Variants in SCN8A observed in about 807,000 individuals in gnomAD.
The protein encoded by SCN8A is sodium voltage-gated channel alpha subunit 8, also known as sodium channel protein type 8 subunit alpha.
In SCN8A, 30 loss-of-function variants were observed where a neutral mutation model predicts 184.1. That is an observed-to-expected ratio of 0.16 (90% confidence interval 0.12 to 0.22). The LOEUF is 0.22. SCN8A is among the 10% of genes least tolerant of loss of function. The probability of loss-of-function intolerance (pLI) is 1.00; values close to 1 mark genes in which losing one functional copy is unlikely to be tolerated. For missense variants in SCN8A, 1,057 were observed against 2,498.9 expected (o/e 0.42, Z 12.30); for synonymous variants, 852 against 907.0 (o/e 0.94, Z 1.09).
intron 15 of SCN8A, 144 bp downstream of exon 15, chr12:51,762,820 A>G: frequency 1.3e-6 from 1 of 744,962 alleles, no homozygotes; most frequent in Non-Finnish European, 2.0e-6. Context: ...AGCTACTAAA[A>G]TACTAAAAAC....
At chr12:51,697,844 TTTG>T (rs749732787) in intron 6 of SCN8A, among the ~76,000 whole-genome samples, 5 of 152,168 alleles carry the variant, frequency 3.3e-5, no homozygotes, top group East Asian at 1.9e-4. Context: ...TTTTTGTTTT[TTTG>T]TTGTTGTTGT....
At position 51,613,442 on chromosome 12, in the gene SCN8A, A is replaced by G. The variant is rs75188795; in HGVS notation, c.-55+22083A>G. Among the ~76,000 whole-genome samples, 34 of 152,228 alleles carry G rather than the reference A, an allele frequency of 2.2e-4. No individual in the cohort carries two copies. In the East Asian group the frequency reaches 6.0e-3, roughly 27 times the overall value. The stretch of plus-strand genomic sequence containing the variant: ...ATTCTTTTAACATCTATGGAGGTCT[A>G]TGGTGATATACTTTCTTTTATTCCT... On this transcript the variant is annotated intron_variant, in intron 1 of 26. Transcript: ENST00000627620.
intron 12 of SCN8A, among the ~76,000 whole-genome samples, chr12:51,741,423 A>G (rs1032635949): frequency 2.0e-5 from 3 of 151,882 alleles, no homozygotes; most frequent in Non-Finnish European, 4.4e-5. Flanking sequence ...TAGCCACTCT[A>G]TGTCTTTTTA....
rs530454845 is a variant in SCN8A, at chr12:51,808,388, A to G, written c.*959A>G. Reference sequence around the variant, plus strand: ...TATGTTTAACAGACATCTCTAACATACAGCCATTGTTGCACATTTTGCAAG... The same window carrying G: ...TATGTTTAACAGACATCTCTAACATGCAGCCATTGTTGCACATTTTGCAAG... On this transcript the variant is annotated 3_prime_UTR_variant, in exon 27 of 27. Transcript: ENST00000627620. 2 of 152,782 alleles carry G rather than the reference A, an allele frequency of 1.3e-5. No individual in the cohort carries two copies. Among genetic ancestry groups the G allele is most frequent in the Admixed American group, 1.3e-4 (2 of 15,302 alleles). The allele number at this position is 152,782 out of a possible 1,614,324, so 9.5% of individuals were successfully genotyped here. A position where few individuals can be genotyped will look rare whatever the true frequency, so the allele number is the denominator to read the frequency against.
chr12:51,761,467 T>TTATTA (rs1942761356), intron 14 of SCN8A, among the ~76,000 whole-genome samples: 1 of 148,928 alleles, frequency 6.7e-6, no homozygotes, highest in African/African-American at 2.5e-5. Context: ...ATTTATTTAT[T>TTATTA]ATTATTTATT....
intron 12 of SCN8A, among the ~76,000 whole-genome samples, chr12:51,731,407 C>T (rs1383133299): frequency 3.3e-5 from 5 of 152,082 alleles, no homozygotes; most frequent in South Asian, 4.2e-4. Flanking sequence ...TGTGCCACCA[C>T]GCCCGGCTAA....
At chr12:51,748,843 A>G (rs1942553822) in intron 13 of SCN8A, among the ~76,000 whole-genome samples, 1 of 152,114 alleles carries the variant, frequency 6.6e-6, no homozygotes, top group African/African-American at 2.4e-5. Flanking sequence ...CACATTGCAG[A>G]TGCTTAAAAG....
chr12:51,786,363 G>C (rs1938085211), intron 21 of SCN8A, among the ~76,000 whole-genome samples, 179 bp from the exon 22 acceptor site: 1 of 152,180 alleles, frequency 6.6e-6, no homozygotes, highest in Admixed American at 6.5e-5. Context: ...CTTCAATATA[G>C]TCCTAGACTT....
intron 25 of SCN8A, among the ~76,000 whole-genome samples, chr12:51,793,017 G>A (rs927085272): frequency 6.6e-6 from 1 of 152,042 alleles, no homozygotes; most frequent in Admixed American, 6.6e-5. Flanking sequence ...CCAAAGTGCT[G>A]GGATTACAGG....
chr12:51,687,453 G>A (rs1941437252), intron 5 of SCN8A, among the ~76,000 whole-genome samples: 1 of 152,100 alleles, frequency 6.6e-6, no homozygotes, highest in Non-Finnish European at 1.5e-5. Context: ...CTTTACAGCT[G>A]GGAGAGAAAG....
Position 51,642,537 on chromosome 12 carries a change from A to T in SCN8A, c.-54-20227A>T, listed in dbSNP as rs1333153453. On this transcript the variant is annotated intron_variant, in intron 1 of 26. Transcript: ENST00000627620. ...CTGAAATCTTGTTCAGGAAAGTTCC[A>T]CTCTGTTTTTAAACATGGCTGGCCA... is the stretch of plus-strand genomic sequence containing the variant. 2.6e-5 allele frequency among the ~76,000 whole-genome samples: 4 copies of T among 151,826 alleles called. No homozygotes were observed. In the East Asian group the frequency reaches 7.7e-4, roughly 29 times the overall value.
rs796653928 is a variant in SCN8A at position 51,663,903 on chromosome 12, A to ATTTTTTTTTTTTTT, written c.276+821_276+834dup. ...TTTTAGGGAACCCCTCATTTGACAG[A>ATTTTTTTTTTTTTT]TTTTTTTTTTTTTTTTTTTTTTTTG... is the stretch of plus-strand genomic sequence containing the variant. On this transcript the variant is annotated intron_variant, in intron 2 of 26. Transcript: ENST00000627620. Among the ~76,000 whole-genome samples, 10 of 69,820 alleles carry ATTTTTTTTTTTTTT rather than the reference A, an allele frequency of 1.4e-4. 1 individual carries two copies. Among genetic ancestry groups the ATTTTTTTTTTTTTT allele is most frequent in the African/African-American group, 2.9e-4 (6 of 20,742 alleles). The allele number at this position is 69,820 out of a possible 152,430, so 45.8% of individuals were successfully genotyped here.
intron 1 of SCN8A, among the ~76,000 whole-genome samples, chr12:51,631,858 A>G (rs1006787710): frequency 2.6e-5 from 4 of 152,124 alleles, no homozygotes; most frequent in African/African-American, 9.7e-5. Context: ...GAGAATTACT[A>G]TTTTCAAATG....
At chr12:51,628,704 A>G (rs185463275) in intron 1 of SCN8A, among the ~76,000 whole-genome samples, 1 of 152,334 alleles carries the variant, frequency 6.6e-6, no homozygotes, top group Non-Finnish European at 1.5e-5. Context: ...TGTGTGGGCC[A>G]GCAATTTGGT....
intron 1 of SCN8A, among the ~76,000 whole-genome samples, chr12:51,643,431 G>A (rs750783667): frequency 6.6e-6 from 1 of 152,146 alleles, no homozygotes; most frequent in Non-Finnish European, 1.5e-5. Flanking sequence ...AACGTTCATA[G>A]GTATTACACC....
chr12:51,722,018 G>A, intron 12 of SCN8A, 110 bp downstream of exon 12: 1 of 1,575,850 alleles, frequency 6.3e-7, no homozygotes, highest in Non-Finnish European at 8.6e-7. Flanking sequence ...TCCCTGCTCT[G>A]CCCATCCCAC....
At position 51,811,688 on chromosome 12, in the gene SCN8A, C is replaced by T. The variant is rs1251195286; in HGVS notation, c.*4259C>T. On this transcript the variant is annotated 3_prime_UTR_variant, in exon 27 of 27. Coordinates refer to ENST00000627620, the MANE Select transcript of SCN8A (RefSeq NM_001330260.2). Reference sequence around the variant, plus strand: ...ATCCCTCTCTAGGCCTAGGCCATGTCTCCTGGTTCAGGAACACTCTCTCAG... The same window carrying T: ...ATCCCTCTCTAGGCCTAGGCCATGTTTCCTGGTTCAGGAACACTCTCTCAG... The T allele has an allele frequency of 6.6e-6, 1 of 152,240 alleles. No individual in the cohort carries two copies. Among genetic ancestry groups the T allele is most frequent in the Non-Finnish European group, 1.5e-5 (1 of 68,178 alleles). 9.4% of individuals were successfully genotyped at this position (152,240 alleles called of 1,614,324 possible). A position where few individuals can be genotyped will look rare whatever the true frequency, so the allele number is the denominator to read the frequency against.
intron 2 of SCN8A, among the ~76,000 whole-genome samples, chr12:51,677,544 A>G (rs144676032): frequency 2.1e-3 from 320 of 152,212 alleles, no homozygotes; most frequent in Non-Finnish European, 3.3e-3. Flanking sequence ...TTTGTTTGGT[A>G]TGCATATGGA....
intron 1 of SCN8A, among the ~76,000 whole-genome samples, chr12:51,653,107 G>T (rs1940752101): frequency 6.6e-6 from 1 of 152,118 alleles, no homozygotes; most frequent in Non-Finnish European, 1.5e-5. Flanking sequence ...ATCATCTGAG[G>T]TCAGGAGTTT....
Sources: allele counts gnomAD v4.1 joint callset (sites outside exome capture counted in the v4.1 genomes callset), GRCh38; gene constraint gnomAD v4.1.1; transcripts MANE v1.5; gene names NCBI Gene and HGNC (gene_info 2026-07-23, HGNC 2026-07-21).